POU4F1: variants seen among roughly 807,000 people sequenced by gnomAD.
POU4F1 encodes POU domain, class 4, transcription factor 1.
Under a neutral mutation model 19.8 loss-of-function variants are expected in POU4F1, and 5 were observed. That is an observed-to-expected ratio of 0.25 (90% confidence interval 0.13 to 0.53). The LOEUF (loss-of-function observed/expected upper bound fraction) is 0.53, where lower values mean the gene tolerates loss of function less well. Among genes scored for constraint, POU4F1 ranks in the 20% least tolerant of loss-of-function variants. POU4F1 has a pLI of 0.96. For synonymous variants in POU4F1, 266 were observed against 247.7 expected (o/e 1.07, Z -0.69); for missense variants, 408 against 511.6 (o/e 0.80, Z 1.95).
rs1369923490 is a variant in POU4F1, at chr13:78,600,019, C to G, written c.*1396G>C. 1 of 152,442 alleles carries G rather than the reference C, an allele frequency of 6.6e-6. No homozygotes were observed. The highest frequency in any genetic ancestry group is 2.4e-5 in the African/African-American group (1 of 41,406). 9.4% of individuals were successfully genotyped at this position (152,442 alleles called of 1,614,324 possible). ...GGAAACACAGTTGTTCTGTTTTCGC[C>G]CAACATGCAGACCTCTTTGAAACAA... On this transcript the variant is annotated 3_prime_UTR_variant, in exon 2 of 2. Transcript: ENST00000377208.
At position 78,602,191 on chromosome 13, in the gene POU4F1, CGCCGCCCGG is replaced by C. The variant is rs1274659692; in HGVS notation, c.475_483del (p.Pro159_Gly161del). The C allele has an allele frequency of 3.0e-5, 8 of 270,028 alleles. No individual in the cohort carries two copies. Among genetic ancestry groups the C allele is most frequent in the African/African-American group, 1.4e-4 (6 of 42,184 alleles). 16.7% of individuals were successfully genotyped at this position (270,028 alleles called of 1,614,324 possible). ...CCGCCACCGCCGCCTCCCCCGGGGC[CGCCGCCCGG>C]GCCGCCGCCGCCGCCCGGGCCGCCA... On this transcript the variant is annotated inframe_deletion, in exon 2 of 2. Coordinates refer to ENST00000377208, the MANE Select transcript of POU4F1 (RefSeq NM_006237.4).
chr13:78,601,548 A>G lies in POU4F1; in HGVS notation c.1127T>C (p.Val376Ala), dbSNP rs749986566. Residue 376 changes from valine to alanine, a missense_variant, in exon 2 of 2, where the codon GTG becomes GCG. Physicochemically the swap from Val to Ala is moderately conservative, Grantham distance 64. Around this residue, in one of 4 missense-constraint regions of POU4F1, gnomAD observed 35 missense variants for 85.9 expected, o/e 0.41. Coordinates refer to ENST00000377208, the MANE Select transcript of POU4F1 (RefSeq NM_006237.4). ...EKRSLEAYFA[V>A]QPRPSSEKIA... ...CTTCTCGGACGAGGGCCGGGGCTGC[A>G]CGGCGAAGTAGGCCTCGAGGGAGCG... 1.9e-6 allele frequency: 3 copies of G among 1,613,908 alleles called. No individual in the cohort carries two copies. Among genetic ancestry groups the G allele is most frequent in the Admixed American group, 3.3e-5 (2 of 60,028 alleles).
rs1046909167 is a variant in POU4F1 at position 78,601,075 on chromosome 13, C to A, written c.*340G>T. Reference sequence around the variant, plus strand: ...ACAGTCCATTTTCCTACCCTTCCCGCGTCTCCCCCCACCCAAACCCCAGAA... The same window carrying A: ...ACAGTCCATTTTCCTACCCTTCCCGAGTCTCCCCCCACCCAAACCCCAGAA... On this transcript the variant is annotated 3_prime_UTR_variant, in exon 2 of 2. Transcript: ENST00000377208. The A allele has an allele frequency of 9.1e-6, 3 of 329,352 alleles. No individual in the cohort carries two copies. The highest frequency in any genetic ancestry group is 1.7e-5 in the Non-Finnish European group (3 of 178,292). The allele number at this position is 329,352 out of a possible 1,614,324, so 20.4% of individuals were successfully genotyped here.
chr13:78,603,232 A>G lies in POU4F1; in HGVS notation c.95T>C (p.Ile32Thr). The G allele has an allele frequency of 6.4e-7, 1 of 1,554,434 alleles. No individual in the cohort carries two copies. The highest frequency in any genetic ancestry group is 8.7e-7 in the Non-Finnish European group (1 of 1,151,858). ...YPSLHSSSEA[I>T]RRACLPTPPL... ...CGGCGTGGGCAGGCAGGCCCGCCGGATGGCCTCGGAGCTGGAGTGCAGCGA... is the reference window on the plus strand; with the variant it reads ...CGGCGTGGGCAGGCAGGCCCGCCGGGTGGCCTCGGAGCTGGAGTGCAGCGA... The change falls in exon 1 of 2, where the codon ATC becomes ACC. Residue 32 changes from isoleucine to threonine, a missense_variant. Physicochemically the swap from Ile to Thr is moderately conservative, Grantham distance 89. This residue lies in a region of POU4F1 where 294 missense variants were observed against 288.2 expected (regional missense o/e 1.02). Coordinates refer to ENST00000377208, the MANE Select transcript of POU4F1 (RefSeq NM_006237.4).
Position 78,601,386 on chromosome 13 carries a change from T to G in POU4F1, c.*29A>C, listed in dbSNP as rs371799443. ...CAAAAATGCCTCCTCAGCTCCCCAT[T>G]CTGTCCCGCCCGACACCTCCCAGCC... On this transcript the variant is annotated 3_prime_UTR_variant, in exon 2 of 2. Transcript: ENST00000377208. The G allele has an allele frequency of 1.5e-5, 25 of 1,612,932 alleles. No individual in the cohort carries two copies. The African/African-American group carries it at 3.2e-4, about 21-fold the overall frequency.
Position 78,601,820 on chromosome 13 carries a change from C to G in POU4F1, c.855G>C (p.Thr285=), listed in dbSNP as rs779318599. The G allele has an allele frequency of 6.2e-7, 1 of 1,610,650 alleles. No individual in the cohort carries two copies. Among genetic ancestry groups the G allele is most frequent in the African/African-American group, 1.3e-5 (1 of 74,886 alleles). ...FKQRRIKLGV[T]QADVGSALAN... ...CCAGCGCCGAGCCCACGTCGGCCTG[C>G]GTCACGCCCAGCTTGATGCGCCGCT... Residue 285 remains threonine, a synonymous_variant, in exon 2 of 2, where the codon ACG becomes ACC. Transcript: ENST00000377208.
Position 78,599,306 on chromosome 13 carries a change from AAGCTCAGCAGACATAC to A in POU4F1, c.*2093_*2108del, listed in dbSNP as rs1874606435. 1.3e-5 allele frequency: 2 copies of A among 152,690 alleles called. No individual in the cohort carries two copies. Among genetic ancestry groups the A allele is most frequent in the Non-Finnish European group, 2.9e-5 (2 of 68,060 alleles). 9.5% of individuals were successfully genotyped at this position (152,690 alleles called of 1,614,324 possible). On this transcript the variant is annotated 3_prime_UTR_variant, in exon 2 of 2. Transcript: ENST00000377208. ...AAGAGAAAAAACATAACCAAGGAGAAAGCTCAGCAGACATACATGGACAGGTAGATCAATCCGTGAG... is the reference window on the plus strand; with the variant it reads ...AAGAGAAAAAACATAACCAAGGAGAAATGGACAGGTAGATCAATCCGTGAG...
Position 78,601,970 on chromosome 13 carries a change from C to T in POU4F1, c.705G>A (p.Ala235=). The T allele has an allele frequency of 9.0e-7, 1 of 1,116,436 alleles. No individual in the cohort carries two copies. Among genetic ancestry groups the T allele is most frequent in the African/African-American group, 1.7e-5 (1 of 60,126 alleles). 69.2% of individuals were successfully genotyped at this position (1,116,436 alleles called of 1,614,324 possible). ...HHGAAAAAAA[A]AAGQVAAASA... ...ATGCCGCTGCCACCTGCCCGGCCGC[C>T]GCCGCCGCCGCTGCCGCTGCCGCGC... is the stretch of plus-strand genomic sequence containing the variant. Residue 235 remains alanine, a synonymous_variant, in exon 2 of 2, where the codon GCG becomes GCA. Transcript: ENST00000377208.
rs36032170 is a variant in POU4F1 at position 78,601,361 on chromosome 13, C to A, written c.*54G>T. ...GGGAGGCAAGCAGAGGAAAGCCCCC[C>A]AAAAATGCCTCCTCAGCTCCCCATT... On this transcript the variant is annotated 3_prime_UTR_variant, in exon 2 of 2. Coordinates refer to ENST00000377208, the MANE Select transcript of POU4F1 (RefSeq NM_006237.4). 5 of 1,606,784 alleles carry A rather than the reference C, an allele frequency of 3.1e-6. No individual in the cohort carries two copies. Among genetic ancestry groups the A allele is most frequent in the South Asian group, 1.1e-5 (1 of 90,456 alleles).
rs1004858148 is a variant in POU4F1, at chr13:78,602,000, G to C, written c.675C>G (p.His225Gln). 1 of 916,362 alleles carries C rather than the reference G, an allele frequency of 1.1e-6. No homozygotes were observed. The highest frequency in any genetic ancestry group is 1.8e-5 in the African/African-American group (1 of 54,384). 56.8% of individuals were successfully genotyped at this position (916,362 alleles called of 1,614,324 possible). A position where few individuals can be genotyped will look rare whatever the true frequency, so the allele number is the denominator to read the frequency against. Residue 225 changes from histidine to glutamine, a missense_variant, in exon 2 of 2, where the codon CAC becomes CAG. By Grantham distance (24) the His-to-Gln change is conservative. Around this residue, in one of 4 missense-constraint regions of POU4F1, gnomAD observed 294 missense variants for 288.2 expected, o/e 1.02. Coordinates refer to ENST00000377208, the MANE Select transcript of POU4F1 (RefSeq NM_006237.4). Reference sequence around the variant, plus strand: ...CCGCCGCTGCCGCTGCCGCGCCGTGGTGCGCCGCCGCCGCCACCAGCCCGG... The same window carrying C: ...CCGCCGCTGCCGCTGCCGCGCCGTGCTGCGCCGCCGCCGCCACCAGCCCGG... Reference protein sequence around the residue: ...PHPGLVAAAAHHGAAAAAAAA... With the variant: ...PHPGLVAAAAQHGAAAAAAAA...
At position 78,602,390 on chromosome 13, in the gene POU4F1, C is replaced by G; in HGVS notation, c.285G>C (p.Thr95=). ...MNSVPCTSTS[T]VPLAHHHHHH... ...GGTGGTGGTGGTGCGCCAGAGGCAC[C>G]GTGGAAGTGGACGTGCACGGCACGC... Residue 95 remains threonine (T), a synonymous_variant, in exon 2 of 2, where the codon ACG becomes ACC. Transcript: ENST00000377208. The G allele has an allele frequency of 1.3e-6, 2 of 1,546,120 alleles. No individual in the cohort carries two copies. Among genetic ancestry groups the G allele is most frequent in the East Asian group, 2.5e-5 (1 of 40,150 alleles).
rs1374632634 is a variant in POU4F1 at position 78,599,765 on chromosome 13, A to T, written c.*1650T>A. 6.6e-6 allele frequency: 1 copy of T among 152,506 alleles called. No homozygotes were observed. The highest frequency in any genetic ancestry group is 2.4e-5 in the African/African-American group (1 of 41,442). The allele number at this position is 152,506 out of a possible 1,614,324, so 9.4% of individuals were successfully genotyped here. On this transcript the variant is annotated 3_prime_UTR_variant, in exon 2 of 2. Transcript: ENST00000377208. ...TAAAGGATGGTAACAAACCATCTCT[A>T]CGAGAGATCCAAAGAGTATCTTGTA... is the stretch of plus-strand genomic sequence containing the variant.
Position 78,602,411 on chromosome 13 carries a change from C to T in POU4F1, c.264G>A (p.Val88=), listed in dbSNP as rs371725069. Residue 88 remains valine (V), a synonymous_variant, in exon 2 of 2, where the codon GTG becomes GTA. Coordinates refer to ENST00000377208, the MANE Select transcript of POU4F1 (RefSeq NM_006237.4). Reference sequence around the variant, plus strand: ...GCACCGTGGAAGTGGACGTGCACGGCACGCTGTTCATCGTGTGGTACGTGG... The same window carrying T: ...GCACCGTGGAAGTGGACGTGCACGGTACGCTGTTCATCGTGTGGTACGTGG... ...PDATYHTMNS[V]PCTSTSTVPL... 1 of 1,574,022 alleles carries T rather than the reference C, an allele frequency of 6.4e-7. No homozygotes were observed.
In POU4F1 at chr13:78,600,047, G is replaced by C. The variant is rs1223694674; in HGVS notation, c.*1368C>G. The C allele has an allele frequency of 6.6e-6, 1 of 152,366 alleles. No homozygotes were observed. The highest frequency in any genetic ancestry group is 6.5e-5 in the Admixed American group (1 of 15,290). 9.4% of individuals were successfully genotyped at this position (152,366 alleles called of 1,614,324 possible). On this transcript the variant is annotated 3_prime_UTR_variant, in exon 2 of 2. Transcript: ENST00000377208. ...ACATGCAGACCTCTTTGAAACAAAT[G>C]GGGGTGGGGGCACTTTAAATCTGTC...
At chr13:78,602,625 C>T (rs147611646) in intron 1 of POU4F1, 74 bp from the exon 2 acceptor site, 186 of 1,345,310 alleles carry the variant, frequency 1.4e-4, no homozygotes, top group East Asian at 1.5e-4. Flanking sequence ...AAGAAACACA[C>T]ACACAGGCCG....
Position 78,601,598 on chromosome 13 carries a change from C to G in POU4F1, c.1077G>C (p.Arg359=). The G allele has an allele frequency of 6.8e-6, 11 of 1,613,882 alleles. No homozygotes were observed. The highest frequency in any genetic ancestry group is 9.3e-6 in the Non-Finnish European group (11 of 1,180,028). ...GCTTCTCGGGCGCGGCGATGGAAGT[C>G]CGCTTGCGCTTCTTCTCGCCGCCGT... ...LFNGGEKKRK[R]TSIAAPEKRS... Residue 359 remains arginine, a synonymous_variant, in exon 2 of 2, where the codon CGG becomes CGC. Coordinates refer to ENST00000377208, the MANE Select transcript of POU4F1 (RefSeq NM_006237.4).
chr13:78,602,574 C>A, intron 1 of POU4F1, 23 bp from the exon 2 acceptor site: 2 of 1,423,416 alleles, frequency 1.4e-6, no homozygotes, highest in South Asian at 3.0e-5. Flanking sequence ...CAAACCAAAC[C>A]AAAAAAACCA....
intron 1 of POU4F1, among the ~76,000 whole-genome samples, chr13:78,602,829 C>A (rs898653207): frequency 1.3e-5 from 2 of 151,872 alleles, no homozygotes; most frequent in African/African-American, 2.4e-5. Context: ...CGGAAACGGG[C>A]GTGGGAGACG....
Position 78,600,229 on chromosome 13 carries a change from GGA to G in POU4F1, c.*1184_*1185del, listed in dbSNP as rs1482652413. 11 of 152,170 alleles carry G rather than the reference GGA, an allele frequency of 7.2e-5. No individual in the cohort carries two copies. The highest frequency in any genetic ancestry group is 2.4e-4 in the African/African-American group (10 of 41,490). The allele number at this position is 152,170 out of a possible 1,614,324, so 9.4% of individuals were successfully genotyped here. On this transcript the variant is annotated 3_prime_UTR_variant, in exon 2 of 2. Coordinates refer to ENST00000377208, the MANE Select transcript of POU4F1 (RefSeq NM_006237.4). ...TGAGTCTCGTTCAGTGGAGAAAACA[GGA>G]GAGAGTATCTCTCCTAATAACTTTC...
Sources: allele counts gnomAD v4.1 joint callset (sites outside exome capture counted in the v4.1 genomes callset), GRCh38; gene constraint gnomAD v4.1.1; regional missense constraint gnomAD v4.1.1; transcripts MANE v1.5; gene names NCBI Gene and HGNC (gene_info 2026-07-23, HGNC 2026-07-21).